Variants in ARHGEF28 observed in about 807,000 individuals in gnomAD.
ARHGEF28 encodes the protein 190 kDa guanine nucleotide exchange factor.
In ARHGEF28, 152 loss-of-function variants were observed where a neutral mutation model predicts 206.6. The observed-to-expected ratio is 0.74, with a 90% CI of 0.64 to 0.84. ARHGEF28 has a LOEUF of 0.84. Among genes scored for constraint, ARHGEF28 ranks in the 40% least tolerant of loss-of-function variants. The pLI is 0.00. For synonymous variants in ARHGEF28, 763 were observed against 776.4 expected (o/e 0.98, Z 0.29); for missense variants, 2,028 against 2,073.2 (o/e 0.98, Z 0.42).
intron 2 of ARHGEF28, among the ~76,000 whole-genome samples, chr5:73,688,559 G>C (rs1046759844): frequency 6.6e-6 from 1 of 152,084 alleles, no homozygotes; most frequent in Admixed American, 6.6e-5. Context: ...TCTTTTTAAA[G>C]ATTGTTTCTT....
intron 1 of ARHGEF28, among the ~76,000 whole-genome samples, chr5:73,636,877 C>T (rs188339386): frequency 2.6e-5 from 4 of 152,260 alleles, no homozygotes; most frequent in Admixed American, 6.5e-5. Context: ...CCTCACATTA[C>T]GAGCATCACG....
At chr5:73,698,350 A>C (rs772457396) in intron 2 of ARHGEF28, among the ~76,000 whole-genome samples, 10 of 152,152 alleles carry the variant, frequency 6.6e-5, no homozygotes, top group African/African-American at 2.2e-4. Flanking sequence ...ATAAACATCA[A>C]ATTACAAGCT....
chr5:73,933,665 T>C (rs1764258376), intron 35 of ARHGEF28, among the ~76,000 whole-genome samples: 1 of 152,256 alleles, frequency 6.6e-6, no homozygotes, highest in African/African-American at 2.4e-5. Flanking sequence ...AATTGTTTAG[T>C]GAACCCCATC....
Position 73,858,221 on chromosome 5 carries a change from T to C in ARHGEF28, c.2047+2T>C. The C allele has an allele frequency of 6.3e-7, 1 of 1,584,406 alleles. No individual in the cohort carries two copies. On this transcript the variant is annotated splice_donor_variant, in intron 16 of 35. Coordinates refer to ENST00000513042, the MANE Select transcript of ARHGEF28 (RefSeq NM_001177693.2). LOFTEE classifies it high-confidence loss of function. ...GGAAAGAGTCACTGCAGTGTTCTAG[T>C]AAGTTCTCAGGTCTATGTGCGCTGT...
intron 6 of ARHGEF28, among the ~76,000 whole-genome samples, chr5:73,778,596 T>C (rs991682593): frequency 7.9e-5 from 12 of 152,180 alleles, no homozygotes; most frequent in Admixed American, 7.9e-4. Flanking sequence ...GTATGGCTGA[T>C]GTGAGCAGAG....
intron 2 of ARHGEF28, among the ~76,000 whole-genome samples, chr5:73,700,458 A>AT (rs994427282): frequency 2.0e-5 from 3 of 152,148 alleles, no homozygotes; most frequent in Non-Finnish European, 2.9e-5. Context: ...GGAATCACAG[A>AT]TTTTTTCCAT....
chr5:73,925,109 A>T (rs1222110061), intron 35 of ARHGEF28, among the ~76,000 whole-genome samples: 1 of 152,184 alleles, frequency 6.6e-6, no homozygotes, highest in Non-Finnish European at 1.5e-5. Context: ...GGTCCCGTGG[A>T]TAAGGGTTGG....
intron 2 of ARHGEF28, among the ~76,000 whole-genome samples, chr5:73,743,034 A>G (rs1335227745): frequency 2.0e-5 from 3 of 152,056 alleles, no homozygotes; most frequent in Non-Finnish European, 4.4e-5. Flanking sequence ...AATTGTTTGT[A>G]TATTTGATTT....
At chr5:73,696,100 T>C (rs1225246511) in intron 2 of ARHGEF28, among the ~76,000 whole-genome samples, 3 of 152,208 alleles carry the variant, frequency 2.0e-5, no homozygotes, top group African/African-American at 7.2e-5. Flanking sequence ...CCTAGTGCAG[T>C]GCCCAACGCA....
chr5:73,810,053 T>TA (rs1326320113), intron 9 of ARHGEF28, among the ~76,000 whole-genome samples: 1 of 152,218 alleles, frequency 6.6e-6, no homozygotes, highest in Non-Finnish European at 1.5e-5. Context: ...ACAAGGAGGA[T>TA]AAATGATCCA....
chr5:73,822,198 C>G (rs1297545006), intron 9 of ARHGEF28, among the ~76,000 whole-genome samples: 1 of 152,136 alleles, frequency 6.6e-6, no homozygotes, highest in South Asian at 2.1e-4. Flanking sequence ...AGAAACAGCT[C>G]TCACTCCCAG....
intron 2 of ARHGEF28, among the ~76,000 whole-genome samples, chr5:73,741,381 GTGTGTATATATATATATATATATATATA>G (rs1233124829): frequency 0.088 from 2,227 of 25,366 alleles, 27 homozygotes; most frequent in Middle Eastern, 0.15. Context: ...GTGTGTGTGT[GTGTGTATATATATATATATATATATATA>G]TATATATATA....
At chr5:73,657,419 C>T (rs1239936078) in intron 1 of ARHGEF28, among the ~76,000 whole-genome samples, 1 of 152,122 alleles carries the variant, frequency 6.6e-6, no homozygotes, top group Admixed American at 6.5e-5. Flanking sequence ...TCAAGTTGGC[C>T]TGTTCCTTTC....
At chr5:73,775,323 A>C (rs1188743346) in intron 5 of ARHGEF28, among the ~76,000 whole-genome samples, 2 of 152,220 alleles carry the variant, frequency 1.3e-5, no homozygotes, top group African/African-American at 4.8e-5. Context: ...TGTAAGCTAA[A>C]TTCTGGTGAT....
chr5:73,940,754 T>C (rs1190471999), intron 35 of ARHGEF28, 90 bp from the exon 36 acceptor site: 3 of 1,204,524 alleles, frequency 2.5e-6, no homozygotes, highest in Non-Finnish European at 1.1e-6. Flanking sequence ...GGGCACTGCA[T>C]TTCCTAATCT....
At chr5:73,629,912 A>G (rs1743257728) in intron 1 of ARHGEF28, among the ~76,000 whole-genome samples, 1 of 152,222 alleles carries the variant, frequency 6.6e-6, no homozygotes, top group Admixed American at 6.5e-5. Flanking sequence ...ATGTTCTCTT[A>G]AGAGCAGATG....
chr5:73,879,216 T>C (rs1043826210), intron 22 of ARHGEF28, among the ~76,000 whole-genome samples: 7 of 152,360 alleles, frequency 4.6e-5, no homozygotes, highest in Middle Eastern at 3.4e-3. Flanking sequence ...GCTGATCGCA[T>C]CGGCTCCTGA....
chr5:73,832,510 G>T, intron 10 of ARHGEF28, 51 bp downstream of exon 10: 1 of 1,584,894 alleles, frequency 6.3e-7, no homozygotes, highest in Non-Finnish European at 8.6e-7. Context: ...TCCAAAACCT[G>T]GGTTTGTAAG....
intron 2 of ARHGEF28, among the ~76,000 whole-genome samples, chr5:73,735,651 C>T (rs1169700119): frequency 6.6e-6 from 1 of 152,230 alleles, no homozygotes; most frequent in Non-Finnish European, 1.5e-5. Context: ...CTGCCTGTGT[C>T]TCCTAGACTG....
Sources: allele counts gnomAD v4.1 joint callset (sites outside exome capture counted in the v4.1 genomes callset), GRCh38; gene constraint gnomAD v4.1.1; transcripts MANE v1.5; gene names NCBI Gene and HGNC (gene_info 2026-07-23, HGNC 2026-07-21).